Variants in TGM7 observed in about 807,000 individuals in gnomAD.
TGM7 encodes the protein protein-glutamine gamma-glutamyltransferase Z.
A neutral mutation model predicts 79.5 loss-of-function variants in TGM7; 74 were observed. The ratio of observed to expected loss-of-function variants is 0.93; its 90% CI spans 0.77 to 1.13. The LOEUF (loss-of-function observed/expected upper bound fraction) is 1.13, where lower values mean the gene tolerates loss of function less well. Among genes scored for constraint, TGM7 ranks in the 50% most tolerant of loss-of-function variants. The pLI is 0.00. For missense variants in TGM7, 912 were observed against 905.9 expected (o/e 1.01, Z -0.09); for synonymous variants, 354 against 362.5 (o/e 0.98, Z 0.27).
intron 1 of TGM7, among the ~76,000 whole-genome samples, chr15:43,300,723 C>A (rs966875158): frequency 5.3e-5 from 8 of 152,152 alleles, no homozygotes; most frequent in Admixed American, 3.3e-4. Context: ...ATGGCGTGAA[C>A]CCTGGAGGCG....
At chr15:43,282,709 T>G in intron 7 of TGM7, 89 bp from the exon 8 acceptor site, 2 of 1,032,698 alleles carry the variant, frequency 1.9e-6, no homozygotes, top group South Asian at 2.9e-5. Flanking sequence ...ATATCATTGT[T>G]TCTTTTTCTT....
rs552188511 is a variant in TGM7, at chr15:43,282,383, G to A, written c.1108+134C>T. On this transcript the variant is annotated intron_variant, in intron 8 of 12. Coordinates refer to ENST00000452443, the MANE Select transcript of TGM7 (RefSeq NM_052955.3). ...GGTAGAGTTAGATTCCTGATCTGAAGCTGTGTCAGCTGGGACCTCGGGAAG... is the reference window on the plus strand; with the variant it reads ...GGTAGAGTTAGATTCCTGATCTGAAACTGTGTCAGCTGGGACCTCGGGAAG... 3.0e-5 allele frequency: 25 copies of A among 830,012 alleles called. No individual in the cohort carries two copies. In the African/African-American group the frequency reaches 3.9e-4, roughly 13 times the overall value. The allele number at this position is 830,012 out of a possible 1,614,324, so 51.4% of individuals were successfully genotyped here.
rs2042975931 is a variant in TGM7 at position 43,293,608 on chromosome 15, C to A, written c.34G>T (p.Val12Phe). The A allele has an allele frequency of 1.2e-6, 2 of 1,607,356 alleles. No individual in the cohort carries two copies. Among genetic ancestry groups the A allele is most frequent in the Middle Eastern group, 1.7e-4 (1 of 5,850 alleles). The change falls in exon 2 of 13, where the codon GTC becomes TTC. Residue 12 changes from valine (V) to phenylalanine (F), a missense_variant. Val to Phe is a conservative substitution (Grantham distance 50). Coordinates refer to ENST00000452443, the MANE Select transcript of TGM7 (RefSeq NM_052955.3). ...TTGTTCCTGGAGCTCTGCAGGTCGA[C>A]AGACTCAAGCCGCAAGGTTGCCACT... ...DQVATLRLESVDLQSSRNNKE... is the reference protein window; with the variant it reads ...DQVATLRLESFDLQSSRNNKE...
At chr15:43,277,945 T>C (rs1041354383) in intron 11 of TGM7, among the ~76,000 whole-genome samples, 3 of 152,248 alleles carry the variant, frequency 2.0e-5, no homozygotes, top group Non-Finnish European at 4.4e-5. Context: ...GGGGACCAAT[T>C]AGCAACCTAC....
At chr15:43,289,747 A>G (rs1404322909) in intron 4 of TGM7, among the ~76,000 whole-genome samples, 1 of 152,096 alleles carries the variant, frequency 6.6e-6, no homozygotes, top group African/African-American at 2.4e-5. Flanking sequence ...CTTTTTAATG[A>G]TCGCCATTCT....
chr15:43,287,093 G>A (rs1324960771), intron 6 of TGM7, among the ~76,000 whole-genome samples, 187 bp downstream of exon 6: 1 of 152,220 alleles, frequency 6.6e-6, no homozygotes, highest in African/African-American at 2.4e-5. Flanking sequence ...GATTGCCACA[G>A]GTCAATCCCC....
rs2042975213 is a variant in TGM7 at position 43,293,549 on chromosome 15, C to T, written c.93G>A (p.Lys31=). 1 of 1,609,442 alleles carries T rather than the reference C, an allele frequency of 6.2e-7. No individual in the cohort carries two copies. The highest frequency in any genetic ancestry group is 8.5e-7 in the Non-Finnish European group (1 of 1,178,394). ...KEHHTQEMGV[K]RLTVRRGQPF... is the part of the protein sequence containing the mutation. Reference sequence around the variant, plus strand: ...GCTGGCCGCGGCGCACAGTGAGCCGCTTGACGCCCATCTCCTGCGTGTGGT... The same window carrying T: ...GCTGGCCGCGGCGCACAGTGAGCCGTTTGACGCCCATCTCCTGCGTGTGGT... The change falls in exon 2 of 13, where the codon AAG becomes AAA. Residue 31 remains lysine (K), a synonymous_variant. Coordinates refer to ENST00000452443, the MANE Select transcript of TGM7 (RefSeq NM_052955.3).
chr15:43,287,745 C>G, intron 4 of TGM7, 76 bp from the exon 5 acceptor site: 1 of 1,529,504 alleles, frequency 6.5e-7, no homozygotes, highest in East Asian at 2.3e-5. Flanking sequence ...CACTAACAGA[C>G]TTTTGGGGAT....
intron 4 of TGM7, among the ~76,000 whole-genome samples, chr15:43,290,581 G>C (rs1257229154): frequency 2.0e-5 from 3 of 152,184 alleles, no homozygotes; most frequent in Admixed American, 1.3e-4. Flanking sequence ...CTTTAAAGTA[G>C]CTTTTTCCAA....
chr15:43,288,447 C>T (rs117578063), intron 4 of TGM7, among the ~76,000 whole-genome samples: 4,348 of 152,038 alleles, frequency 0.029, 102 homozygotes, highest in Middle Eastern at 0.088. Context: ...GAGCCAAGTT[C>T]CCCCTCTCTA....
intron 11 of TGM7, among the ~76,000 whole-genome samples, chr15:43,277,523 C>T (rs2042884298): frequency 6.6e-6 from 1 of 152,198 alleles, no homozygotes; most frequent in Non-Finnish European, 1.5e-5. Context: ...CCAGGTGTCC[C>T]AGACCCCAGC....
At chr15:43,281,750 T>C in intron 9 of TGM7, 94 bp downstream of exon 9, 3 of 1,549,816 alleles carry the variant, frequency 1.9e-6, no homozygotes, top group Non-Finnish European at 1.8e-6. Flanking sequence ...GAAGAGGTGA[T>C]TCGATGGTGA....
chr15:43,281,220 A>C (rs977075571), intron 9 of TGM7, among the ~76,000 whole-genome samples: 1 of 152,254 alleles, frequency 6.6e-6, no homozygotes, highest in Non-Finnish European at 1.5e-5. Context: ...ATGGAGGCAC[A>C]GGGGTGGTAA....
At position 43,279,965 on chromosome 15, in the gene TGM7, A is replaced by C. The variant is rs2042899345; in HGVS notation, c.1352-14T>G. ...CCTCAGGGGATCCTGCAGAAGGGAG[A>C]GGTAGGAGAGACATGCATGGGGAGG... On this transcript the variant is annotated splice_polypyrimidine_tract_variant and intron_variant, in intron 9 of 12. Transcript: ENST00000452443. 6.2e-7 allele frequency: 1 copy of C among 1,607,604 alleles called. No homozygotes were observed. The highest frequency in any genetic ancestry group is 1.1e-5 in the South Asian group (1 of 90,594).
At chr15:43,280,236 A>G (rs1001658883) in intron 9 of TGM7, among the ~76,000 whole-genome samples, 5 of 152,104 alleles carry the variant, frequency 3.3e-5, no homozygotes. Flanking sequence ...TACCATCACT[A>G]TGGCCACCAG....
chr15:43,291,273 A>AG (rs1356749340), intron 4 of TGM7, among the ~76,000 whole-genome samples: 3 of 152,174 alleles, frequency 2.0e-5, no homozygotes, highest in African/African-American at 7.2e-5. Flanking sequence ...TTTAGCATGA[A>AG]GGTTGTTGAA....
intron 4 of TGM7, among the ~76,000 whole-genome samples, chr15:43,291,528 T>C (rs2042963383): frequency 6.6e-6 from 1 of 152,210 alleles, no homozygotes; most frequent in African/African-American, 2.4e-5. Flanking sequence ...AATTTTCACA[T>C]CACAAAATAT....
intron 1 of TGM7, among the ~76,000 whole-genome samples, chr15:43,296,060 A>G (rs1315360035): frequency 2.0e-5 from 3 of 152,254 alleles, no homozygotes; most frequent in Non-Finnish European, 2.9e-5. Flanking sequence ...CATACAATGC[A>G]TCACACATAG....
At chr15:43,281,110 C>T (rs1391155039) in intron 9 of TGM7, among the ~76,000 whole-genome samples, 2 of 152,268 alleles carry the variant, frequency 1.3e-5, no homozygotes, top group African/African-American at 4.8e-5. Flanking sequence ...GGAGCAGTTG[C>T]TGCATTCCAC....
Sources: allele counts gnomAD v4.1 joint callset (sites outside exome capture counted in the v4.1 genomes callset), GRCh38; gene constraint gnomAD v4.1.1; transcripts MANE v1.5; gene names NCBI Gene and HGNC (gene_info 2026-07-23, HGNC 2026-07-21).